Variants in LNPEP observed in about 807,000 individuals in gnomAD.
The protein encoded by LNPEP is leucyl and cystinyl aminopeptidase, also known as leucyl-cystinyl aminopeptidase.
A neutral mutation model predicts 120.6 loss-of-function variants in LNPEP; 64 were observed. The ratio of observed to expected loss-of-function variants is 0.53; its 90% confidence interval spans 0.43 to 0.65. The LOEUF is 0.65. Among genes scored for constraint, LNPEP ranks in the 30% least tolerant of loss-of-function variants. LNPEP has a pLI of 0.00. For synonymous variants in LNPEP, 435 were observed against 425.4 expected, an observed-to-expected ratio of 1.02 and a Z score of -0.28; for missense variants, 1,057 against 1,200.0, an observed-to-expected ratio of 0.88 and a Z score of 1.76.
intron 1 of LNPEP, among the ~76,000 whole-genome samples, chr5:96,939,889 G>A (rs1233893256): frequency 3.3e-5 from 5 of 151,828 alleles, no homozygotes; most frequent in Non-Finnish European, 7.4e-5. Flanking sequence ...AAAATTTTTA[G>A]CATCACTTCT....
At position 97,033,991 on chromosome 5, in the gene LNPEP, TGTATATATACTTTTC is replaced by T. The variant is rs1263517409; in HGVS notation, c.*5459_*5473del. ...AGGCAGAATATATCCTTTTTAAAAA[TGTATATATACTTTTC>T]ATTAACTATATTGTATTATTTCATG... On this transcript the variant is annotated 3_prime_UTR_variant, in exon 18 of 18. Coordinates refer to ENST00000231368, the MANE Select transcript of LNPEP (RefSeq NM_005575.3). 6.6e-6 allele frequency: 1 copy of T among 152,116 alleles called. No homozygotes were observed. The highest frequency in any genetic ancestry group is 1.5e-5 in the Non-Finnish European group (1 of 68,004). 9.4% of individuals were successfully genotyped at this position (152,116 alleles called of 1,614,324 possible).
intron 10 of LNPEP, 54 bp from the exon 11 acceptor site, chr5:97,006,373 T>TAAA: frequency 4.6e-6 from 5 of 1,083,386 alleles, no homozygotes; most frequent in East Asian, 2.6e-5. Context: ...CCTACCAAAT[T>TAAA]AAAAAAAAAA....
intron 1 of LNPEP, among the ~76,000 whole-genome samples, chr5:96,977,926 T>C (rs1262161886): frequency 6.6e-6 from 1 of 152,208 alleles, no homozygotes; most frequent in Non-Finnish European, 1.5e-5. Context: ...ATCAAATTTT[T>C]AGACCTGTGC....
In LNPEP at chr5:96,979,140, C is replaced by T. The variant is rs545182563; in HGVS notation, c.22C>T (p.Arg8Trp). The change falls in exon 2 of 18, where the codon CGG becomes TGG. Residue 8 changes from arginine (R) to tryptophan (W), a missense_variant and splice_region_variant. By Grantham distance (101) the Arg-to-Trp change is moderately radical. Transcript: ENST00000231368. ...GTTCTTATGTTTTGGTTTTTTAGAT[C>T]GGCTTCAGCTCCCCAGGAATATGAT... MEPFTND[R>W]LQLPRNMIEN... 36 of 1,579,418 alleles carry T rather than the reference C, an allele frequency of 2.3e-5. No individual in the cohort carries two copies. Among genetic ancestry groups the T allele is most frequent in the South Asian group, 2.1e-4 (18 of 86,176 alleles).
rs533337519 is a variant in LNPEP, at chr5:96,998,092, G to A, written c.1600G>A (p.Val534Ile). Residue 534 changes from valine (V) to isoleucine (I), a missense_variant, in exon 8 of 18, where the codon GTT becomes ATT. Transcript: ENST00000231368. ...LNSSHPISSS[V>I]QSSEQIEEMF... ...TTCATCTCATCCAATATCATCATCT[G>A]TTCAGTCTTCAGAACAAATTGAAGA... 1.6e-5 allele frequency: 26 copies of A among 1,592,548 alleles called. No homozygotes were observed. In the South Asian group the frequency reaches 2.5e-4, roughly 15 times the overall value.
intron 1 of LNPEP, chr5:96,942,911 C>G (rs1472468767): frequency 6.5e-6 from 1 of 154,742 alleles, no homozygotes; most frequent in Admixed American, 6.5e-5. Flanking sequence ...CTCTAACGAG[C>G]TGCAAGGTAA....
rs377133754 is a variant in LNPEP, at chr5:97,019,727, G to C, written c.2377-2573G>C. On this transcript the variant is annotated intron_variant, in intron 13 of 17. Coordinates refer to ENST00000231368, the MANE Select transcript of LNPEP (RefSeq NM_005575.3). Reference sequence around the variant, plus strand: ...ATGAGTATTGCCATTGTTCTTCACTGATTTTTTTTTTAAATAAGATTTCAA... The same window carrying C: ...ATGAGTATTGCCATTGTTCTTCACTCATTTTTTTTTTAAATAAGATTTCAA... Among the ~76,000 whole-genome samples the C allele has an allele frequency of 6.6e-5, 10 of 151,722 alleles. No individual in the cohort carries two copies. In the East Asian group the frequency reaches 1.7e-3, roughly 26 times the overall value.
chr5:97,019,759 GA>G (rs1791147110), intron 13 of LNPEP, among the ~76,000 whole-genome samples: 1 of 151,858 alleles, frequency 6.6e-6, no homozygotes, highest in Non-Finnish European at 1.5e-5. Flanking sequence ...TCAAGCATGT[GA>G]TTTTTTTTCT....
At chr5:96,971,205 C>T (rs1301556301) in intron 1 of LNPEP, among the ~76,000 whole-genome samples, 2 of 151,962 alleles carry the variant, frequency 1.3e-5, no homozygotes, top group African/African-American at 4.8e-5. Context: ...CATCTTCAGG[C>T]CTCCACCGTT....
In LNPEP at chr5:97,014,983, A is replaced by G. The variant is rs1486199904; in HGVS notation, c.2264A>G (p.Tyr755Cys). ...AAGAGGGCCTTTGATTTGATTAATT[A>G]TCTTGGAAATGAGAACCATACTGCA... ...PLKRAFDLIN[Y>C]LGNENHTAPI... Residue 755 changes from tyrosine to cysteine, a missense_variant, in exon 13 of 18, where the codon TAT becomes TGT. Transcript: ENST00000231368. The G allele has an allele frequency of 6.3e-7, 1 of 1,589,696 alleles. No individual in the cohort carries two copies. The highest frequency in any genetic ancestry group is 8.6e-7 in the Non-Finnish European group (1 of 1,168,592).
intron 7 of LNPEP, among the ~76,000 whole-genome samples, chr5:96,996,764 T>A (rs1048094207): frequency 6.6e-6 from 1 of 152,116 alleles, no homozygotes; most frequent in African/African-American, 2.4e-5. Flanking sequence ...CATTTTAAAT[T>A]GTTTTGCAAC....
At chr5:96,967,431 C>G (rs565691214) in intron 1 of LNPEP, among the ~76,000 whole-genome samples, 4 of 152,004 alleles carry the variant, frequency 2.6e-5, no homozygotes, top group Admixed American at 6.6e-5. Context: ...AGGTATGAAC[C>G]ACTGTGCCTG....
At chr5:96,962,969 G>C (rs893334977) in intron 1 of LNPEP, among the ~76,000 whole-genome samples, 1 of 152,106 alleles carries the variant, frequency 6.6e-6, no homozygotes, top group African/African-American at 2.4e-5. Context: ...GTACAACAAG[G>C]CCTTTGGGCT....
Position 96,979,418 on chromosome 5 carries a change from T to A in LNPEP, c.300T>A (p.Asp100Glu). 1 of 1,614,112 alleles carries A rather than the reference T, an allele frequency of 6.2e-7. No individual in the cohort carries two copies. Among genetic ancestry groups the A allele is most frequent in the Non-Finnish European group, 8.5e-7 (1 of 1,179,966 alleles). ...NSATGYRQSP[D>E]GACSVPSART... is the part of the protein sequence containing the mutation. ...CAACTGGTTACAGGCAGAGCCCAGA[T>A]GGGGCTTGTTCAGTACCCTCTGCAA... Residue 100 changes from aspartate to glutamate, a missense_variant, in exon 2 of 18, where the codon GAT becomes GAA. Transcript: ENST00000231368.
Position 96,986,653 on chromosome 5 carries a change from G to A in LNPEP, c.1114G>A (p.Asp372Asn). Residue 372 changes from aspartate (D) to asparagine (N), a missense_variant, in exon 4 of 18, where the codon GAC becomes AAC. Physicochemically the swap from Asp to Asn is conservative, Grantham distance 23 (BLOSUM62 1). Transcript: ENST00000231368. The part of the protein sequence containing the change: ...IVGEMKNLSQ[D>N]VNGTLVSIYA... ...GGGAGAGATGAAGAACCTGAGTCAGGACGTAAATGGAACCCTGGTATGTTG... is the reference window on the plus strand; with the variant it reads ...GGGAGAGATGAAGAACCTGAGTCAGAACGTAAATGGAACCCTGGTATGTTG... 6.2e-7 allele frequency: 1 copy of A among 1,613,558 alleles called. No homozygotes were observed. Among genetic ancestry groups the A allele is most frequent in the African/African-American group, 1.3e-5 (1 of 75,008 alleles).
intron 1 of LNPEP, among the ~76,000 whole-genome samples, chr5:96,956,807 G>A (rs923015389): frequency 6.6e-6 from 1 of 152,034 alleles, no homozygotes; most frequent in African/African-American, 2.4e-5. Context: ...ATGTCCTTGA[G>A]GCGCTGTTTA....
At position 97,003,536 on chromosome 5, in the gene LNPEP, G is replaced by C; in HGVS notation, c.1775G>C (p.Ser592Thr). 6.3e-7 allele frequency: 1 copy of C among 1,594,978 alleles called. No individual in the cohort carries two copies. Among genetic ancestry groups the C allele is most frequent in the Non-Finnish European group, 8.5e-7 (1 of 1,171,936 alleles). The change falls in exon 9 of 18, where the codon AGT becomes ACT. Residue 592 changes from serine (S) to threonine (T), a missense_variant. Coordinates refer to ENST00000231368, the MANE Select transcript of LNPEP (RefSeq NM_005575.3). ...ASIQSDDLWDSFNEVTNQTLD... is the reference protein window; with the variant it reads ...ASIQSDDLWDTFNEVTNQTLD... ...ATTCAAAGTGATGATCTGTGGGATA[G>C]TTTTAATGAGGTAAGTGACCTGGGT...
At chr5:97,019,731 T>C (rs1476427262) in intron 13 of LNPEP, among the ~76,000 whole-genome samples, 2 of 152,212 alleles carry the variant, frequency 1.3e-5, no homozygotes, top group Non-Finnish European at 2.9e-5. Flanking sequence ...TTCACTGATT[T>C]TTTTTTTAAA....
intron 1 of LNPEP, among the ~76,000 whole-genome samples, chr5:96,957,082 C>T (rs961968156): frequency 1.1e-4 from 16 of 152,130 alleles, no homozygotes; most frequent in East Asian, 5.8e-4. Context: ...TTATAATAAC[C>T]GCTTTAAAGT....
Sources: allele counts gnomAD v4.1 joint callset (sites outside exome capture counted in the v4.1 genomes callset), GRCh38; gene constraint gnomAD v4.1.1; transcripts MANE v1.5; gene names NCBI Gene and HGNC (gene_info 2026-07-23, HGNC 2026-07-21).